The following PNPLA6 variants were observed in gnomAD, a reference collection of about 807,000 sequenced individuals.
PNPLA6 encodes the protein patatin-like phospholipase domain-containing protein 6.
A neutral mutation model predicts 153.7 loss-of-function variants in PNPLA6; 105 were observed. The observed-to-expected ratio is 0.68, with a 90% CI of 0.58 to 0.80. PNPLA6 has a LOEUF of 0.80. PNPLA6 is among the 30% of genes least tolerant of loss of function. The pLI, the probability that PNPLA6 is intolerant of heterozygous loss-of-function variation, is 0.00. For synonymous variants in PNPLA6, 825 were observed against 822.2 expected (o/e 1.00, Z -0.06); for missense variants, 1,423 against 1,919.3 (o/e 0.74, Z 4.83).
At chr19:7,557,803 GAA>G (rs2023950239) in intron 27 of PNPLA6, among the ~76,000 whole-genome samples, 1 of 138,454 alleles carries the variant, frequency 7.2e-6, no homozygotes, top group Non-Finnish European at 1.6e-5. Flanking sequence ...AAAAAAGAAA[GAA>G]AGAAATCTAC....
intron 16 of PNPLA6, 168 bp downstream of exon 16, chr19:7,550,808 T>C: frequency 1.0e-6 from 1 of 990,124 alleles, no homozygotes; most frequent in Non-Finnish European, 1.5e-6. Context: ...AAAAGGGGAT[T>C]CCGCCTGTCG....
chr19:7,555,326 G>A lies in PNPLA6; in HGVS notation c.2895G>A (p.Thr965=), dbSNP rs373884316. 6 of 1,574,296 alleles carry A rather than the reference G, an allele frequency of 3.8e-6. 1 individual carries two copies. The highest frequency in any genetic ancestry group is 2.3e-5 in the East Asian group (1 of 43,122). Residue 965 remains threonine (T), a synonymous_variant, in exon 23 of 32, where the codon ACG becomes ACA. Coordinates refer to ENST00000600737, the MANE Select transcript of PNPLA6 (RefSeq NM_001166114.2). The surrounding 1 kb of genome is among the most constrained non-coding windows in gnomAD (Gnocchi z 6.3). ...SDFSRLARVL[T]GNTIALVLGG... Reference sequence around the variant, plus strand: ...TCTCCCGCTTGGCGAGGGTGCTCACGGGGAACACCATTGCCCTTGTGCTAG... The same window carrying A: ...TCTCCCGCTTGGCGAGGGTGCTCACAGGGAACACCATTGCCCTTGTGCTAG...
intron 2 of PNPLA6, 52 bp from the exon 3 acceptor site, chr19:7,536,396 CT>C: frequency 6.9e-7 from 1 of 1,458,222 alleles, no homozygotes; most frequent in Admixed American, 1.7e-5. Flanking sequence ...CCGTCTGCCT[CT>C]TCTCCAAGGT....
chr19:7,538,705 G>T (rs2022985780), intron 3 of PNPLA6, among the ~76,000 whole-genome samples: 1 of 152,156 alleles, frequency 6.6e-6, no homozygotes, highest in Non-Finnish European at 1.5e-5. Context: ...CTGTCAGAGG[G>T]GCTGTCTCAA....
intron 13 of PNPLA6, among the ~76,000 whole-genome samples, chr19:7,546,515 TC>T (rs1390178517): frequency 1.3e-5 from 2 of 152,096 alleles, no homozygotes; most frequent in African/African-American, 2.4e-5. Flanking sequence ...ATGCCTGTAG[TC>T]CCAGCTACAC....
intron 10 of PNPLA6, among the ~76,000 whole-genome samples, chr19:7,542,310 A>G (rs1156745082): frequency 6.6e-6 from 1 of 152,142 alleles, no homozygotes; most frequent in African/African-American, 2.4e-5. Context: ...GCACATTGGT[A>G]TCCATTGGTC....
chr19:7,548,941 T>C (rs1360382326), intron 13 of PNPLA6, among the ~76,000 whole-genome samples: 1 of 150,214 alleles, frequency 6.7e-6, no homozygotes, highest in Non-Finnish European at 1.5e-5. Context: ...TAGCTGGGAC[T>C]ACAGGCGCCC....
At chr19:7,550,180 C>T in intron 14 of PNPLA6, 68 bp downstream of exon 14, 2 of 1,605,718 alleles carry the variant, frequency 1.2e-6, no homozygotes, top group African/African-American at 1.3e-5. Context: ...GTGGCCAGAA[C>T]CCCATCCCTC....
Position 7,540,919 on chromosome 19 carries a change from C to G in PNPLA6, c.796-4C>G, listed in dbSNP as rs546045480. ...GTCTCTCTTCACGCCCTCCCCTCCC[C>G]CAGGGTCACCAGCATCCCCAGCGGA... On this transcript the variant is annotated splice_region_variant and splice_polypyrimidine_tract_variant and intron_variant, in intron 6 of 31. Transcript: ENST00000600737. This position sits in a 1 kb window ranked among gnomAD's most constrained non-coding sequence, Gnocchi z 6.8. 7.4e-6 allele frequency: 12 copies of G among 1,613,014 alleles called. No individual in the cohort carries two copies. Among genetic ancestry groups the G allele is most frequent in the Non-Finnish European group, 1.0e-5 (12 of 1,179,926 alleles).
intron 20 of PNPLA6, 28 bp downstream of exon 20, chr19:7,554,300 G>C: frequency 6.3e-7 from 1 of 1,596,502 alleles, no homozygotes; most frequent in Non-Finnish European, 8.6e-7. Context: ...GAGTGGGGAG[G>C]GTGGTGGGTG....
At chr19:7,557,325 C>T (rs187553476) in intron 27 of PNPLA6, 41 bp downstream of exon 27, 1 of 1,214,416 alleles carries the variant, frequency 8.2e-7, no homozygotes, top group East Asian at 2.3e-5. Context: ...CAAGCACCTC[C>T]CGCACCACAC....
At position 7,558,964 on chromosome 19, in the gene PNPLA6, G is replaced by A; in HGVS notation, c.3512G>A (p.Trp1171Ter). Residue 1171 changes from tryptophan to a stop codon, truncating the protein, a stop_gained, in exon 28 of 32, where the codon TGG becomes TAG. Coordinates refer to ENST00000600737, the MANE Select transcript of PNPLA6 (RefSeq NM_001166114.2). LOFTEE classifies it high-confidence loss of function. ...AGCCTGTCCGGCTGGTGGCTGCTGT[G>A]GAAGCGGCTGAATCCCTGGGCTGAC... ...GDSLSGWWLL[W>*]KRLNPWADKV... The A allele has an allele frequency of 6.2e-7, 1 of 1,614,190 alleles. No homozygotes were observed. The highest frequency in any genetic ancestry group is 8.5e-7 in the Non-Finnish European group (1 of 1,180,036).
rs140929996 is a variant in PNPLA6, at chr19:7,542,828, C to T, written c.1430C>T (p.Ser477Leu). ...ACEYSYCEDE[S>L]ATGGCPFGPY... Reference sequence around the variant, plus strand: ...GAATACAGCTACTGTGAGGATGAGTCGGCCACTGGTGGCTGCCCTTTCGGG... The same window carrying T: ...GAATACAGCTACTGTGAGGATGAGTTGGCCACTGGTGGCTGCCCTTTCGGG... Residue 477 changes from serine to leucine, a missense_variant, in exon 12 of 32, where the codon TCG (serine) becomes TTG (leucine). Ser to Leu is a moderately radical substitution (Grantham distance 145, BLOSUM62 -2). Transcript: ENST00000600737. The T allele has an allele frequency of 6.5e-5, 105 of 1,612,898 alleles. No homozygotes were observed. The Middle Eastern group carries it at 6.6e-4, about 10-fold the overall frequency.
chr19:7,561,113 G>C lies in PNPLA6; in HGVS notation c.3913+3G>C. The C allele has an allele frequency of 3.8e-6, 6 of 1,571,914 alleles. No homozygotes were observed. Among genetic ancestry groups the C allele is most frequent in the Non-Finnish European group, 5.2e-6 (6 of 1,164,872 alleles). On this transcript the variant is annotated splice_donor_region_variant and intron_variant, in intron 30 of 31. Transcript: ENST00000600737. ...TGTCTCTGATGGCTGTGCTGACGGTGAGGGGCCCAGGGGACCCCCCAAGAG... is the reference window on the plus strand; with the variant it reads ...TGTCTCTGATGGCTGTGCTGACGGTCAGGGGCCCAGGGGACCCCCCAAGAG...
Position 7,539,999 on chromosome 19 carries a change from G to A in PNPLA6, c.495G>A (p.Glu165=). ...CAGTGCTAGAAGCTGACCTGACCGA[G>A]GGCGACCTGGCTAACTCCCATCTGC... ...PPAVLEADLT[E]GDLANSHLPS... Residue 165 remains glutamate (E), a synonymous_variant, in exon 4 of 32, where the codon GAG becomes GAA. Coordinates refer to ENST00000600737, the MANE Select transcript of PNPLA6 (RefSeq NM_001166114.2). The A allele has an allele frequency of 6.3e-7, 1 of 1,599,034 alleles. No homozygotes were observed. Among genetic ancestry groups the A allele is most frequent in the Non-Finnish European group, 8.5e-7 (1 of 1,172,896 alleles).
rs778523909 is a variant in PNPLA6 at position 7,541,633 on chromosome 19, A to C, written c.1117A>C (p.Thr373Pro). The change falls in exon 9 of 32, where the codon ACC becomes CCC. Residue 373 changes from threonine to proline, a missense_variant. This residue lies in a region of PNPLA6 where 267 missense variants were observed against 255.1 expected (regional missense o/e 1.05). Transcript: ENST00000600737. This position sits in a 1 kb window ranked among gnomAD's most constrained non-coding sequence, Gnocchi z 5.2. ...CTCAGCTACAGACGAGCCCAGGGAG[A>C]CCCCAGGGCGGCCACCCGATCCCAC... ...STSATDEPRE[T>P]PGRPPDPTGA... 3 of 1,586,804 alleles carry C rather than the reference A, an allele frequency of 1.9e-6. No individual in the cohort carries two copies. In the African/African-American group the frequency reaches 4.0e-5, roughly 21 times the overall value.
chr19:7,543,090 G>C lies in PNPLA6; in HGVS notation c.1608+6G>C, dbSNP rs1486737281. 1 of 1,612,904 alleles carries C rather than the reference G, an allele frequency of 6.2e-7. No individual in the cohort carries two copies. Among genetic ancestry groups the C allele is most frequent in the Admixed American group, 1.7e-5 (1 of 60,016 alleles). On this transcript the variant is annotated splice_donor_region_variant and intron_variant, in intron 13 of 31. Coordinates refer to ENST00000600737, the MANE Select transcript of PNPLA6 (RefSeq NM_001166114.2). The stretch of plus-strand genomic sequence containing the variant: ...TTGCCCGCCAGGGAGACCAGGTGAG[G>C]CTGACCCCTGACCTGTAACCATGCC...
chr19:7,561,387 G>T, intron 31 of PNPLA6, 70 bp downstream of exon 31: 1 of 1,436,928 alleles, frequency 7.0e-7, no homozygotes, highest in Non-Finnish European at 9.6e-7. Context: ...AGGCAGGGGA[G>T]CCGGGGGCGT....
At position 7,554,173 on chromosome 19, in the gene PNPLA6, C is replaced by T; in HGVS notation, c.2402-36C>T. ...TGAGTTAGGCCCCAGCCCTGTGGAC[C>T]ATGGTTCCCAGCCTCCCTTCCCCAC... On this transcript the variant is annotated intron_variant, in intron 19 of 31. Transcript: ENST00000600737. The T allele has an allele frequency of 1.9e-6, 3 of 1,604,096 alleles. No individual in the cohort carries two copies. In the South Asian group the frequency reaches 3.3e-5, roughly 18 times the overall value.
Sources: allele counts gnomAD v4.1 joint callset (sites outside exome capture counted in the v4.1 genomes callset), GRCh38; gene constraint gnomAD v4.1.1; regional missense constraint gnomAD v4.1.1; non-coding constraint Gnocchi (gnomAD v3.1); transcripts MANE v1.5; gene names NCBI Gene and HGNC (gene_info 2026-07-23, HGNC 2026-07-21).